The following ZBTB14 variants were observed in gnomAD, a reference collection of about 807,000 sequenced individuals.
The protein encoded by ZBTB14 is zinc finger and BTB domain containing 14.
Under a neutral mutation model 29.5 loss-of-function variants are expected in ZBTB14, and 8 were observed. That is an observed-to-expected ratio of 0.27 (90% CI 0.16 to 0.49). The LOEUF is 0.49. Among genes scored for constraint, ZBTB14 ranks in the 20% least tolerant of loss-of-function variants. The pLI, the probability that ZBTB14 is intolerant of heterozygous loss-of-function variation, is 0.99. For synonymous variants in ZBTB14, 226 were observed against 207.2 expected (o/e 1.09, Z -0.78); for missense variants, 333 against 563.8 (o/e 0.59, Z 4.15).
chr18:5,293,709 T>G (rs1409442943), intron 2 of ZBTB14: 1 of 154,872 alleles, frequency 6.5e-6, no homozygotes, highest in African/African-American at 2.4e-5. Flanking sequence ...CTGGGTATGT[T>G]AGCCCTCTAC....
chr18:5,295,173 C>T (rs1487671428), intron 1 of ZBTB14, among the ~76,000 whole-genome samples: 1 of 144,684 alleles, frequency 6.9e-6, no homozygotes, highest in African/African-American at 2.5e-5. Context: ...GGCGTGCGGC[C>T]GGCTCCGCAG....
chr18:5,295,070 C>A (rs1165552691), intron 1 of ZBTB14, among the ~76,000 whole-genome samples: 1 of 151,652 alleles, frequency 6.6e-6, no homozygotes, highest in Non-Finnish European at 1.5e-5. Flanking sequence ...CTTTCATAAT[C>A]AGACGTCGAG....
At chr18:5,296,791 A>T (rs1249103426), upstream of ZBTB14, among the ~76,000 whole-genome samples, 1 of 152,102 alleles carries the variant, frequency 6.6e-6, no homozygotes, top group Non-Finnish European at 1.5e-5. Context: ...TCCAAGGAAA[A>T]GTCCAGGGGC....
At chr18:5,296,286 G>C (rs1426785095), upstream of ZBTB14, 1 of 150,570 alleles carries the variant, frequency 6.6e-6, no homozygotes, top group Non-Finnish European at 1.5e-5. Flanking sequence ...GAAGGAGTGG[G>C]CGGGGCAAGG....
chr18:5,294,946 C>T (rs1464807647), intron 1 of ZBTB14: 2 of 152,188 alleles, frequency 1.3e-5, no homozygotes, highest in Non-Finnish European at 2.9e-5. Flanking sequence ...CGTATCGAGT[C>T]CTCCCTCTCA....
chr18:5,295,075 G>C (rs1007482304), intron 1 of ZBTB14, among the ~76,000 whole-genome samples: 2 of 151,538 alleles, frequency 1.3e-5, no homozygotes, highest in African/African-American at 4.8e-5. Context: ...ATAATCAGAC[G>C]TCGAGCGCAG....
chr18:5,293,210 T>C (rs2071858130), intron 3 of ZBTB14, 34 bp downstream of exon 3: 1 of 1,610,360 alleles, frequency 6.2e-7, no homozygotes, highest in Admixed American at 1.7e-5. Flanking sequence ...CCAAGTCATT[T>C]TCATCAAGAT....
chr18:5,293,367 C>T (rs1459550139), intron 2 of ZBTB14, 40 bp from the exon 3 acceptor site: 3 of 993,810 alleles, frequency 3.0e-6, no homozygotes, highest in African/African-American at 3.3e-5. Flanking sequence ...GTAGGATCTT[C>T]CTGTATCCCA....
In ZBTB14 at chr18:5,291,566, A is replaced by G. The variant is rs3752067; in HGVS notation, c.642T>C (p.Asn214=). Residue 214 remains asparagine, a synonymous_variant, in exon 4 of 4, where the codon AAT becomes AAC. Coordinates refer to ENST00000651870, the MANE Select transcript of ZBTB14 (RefSeq NM_001243702.2). The surrounding 1 kb of genome is among the most constrained non-coding windows in gnomAD (Gnocchi z 5.8). ...TGGATTCTACTTCCTGGCCGTAGCA[A>G]TTGACCTTCCGAACTTCCTCACTCC... ...ELGSEEVRKV[N]CYGQEVESME... is the part of the protein sequence containing the mutation. The G allele has an allele frequency of 2.8e-5, 45 of 1,613,864 alleles. No homozygotes were observed. The East Asian group carries it at 9.8e-4, about 35-fold the overall frequency.
chr18:5,292,208 CAAA>C lies in ZBTB14; in HGVS notation c.4-7_4-5del, dbSNP rs11327444. 64 of 1,290,626 alleles carry C rather than the reference CAAA, an allele frequency of 5.0e-5. No individual in the cohort carries two copies. Among genetic ancestry groups the C allele is most frequent in the Middle Eastern group, 2.0e-4 (1 of 4,902 alleles). 79.9% of individuals were successfully genotyped at this position (1,290,626 alleles called of 1,614,324 possible). A position where few individuals can be genotyped will look rare whatever the true frequency, so the allele number is the denominator to read the frequency against. ...CAGACATACTGATGAAAAACTCCTA[CAAA>C]AAAAAAAAAAGTTTAGTAATTATAA... On this transcript the variant is annotated splice_polypyrimidine_tract_variant and splice_region_variant and intron_variant, in intron 3 of 3. Coordinates refer to ENST00000651870, the MANE Select transcript of ZBTB14 (RefSeq NM_001243702.2).
At chr18:5,296,272 G>T (rs556207012), upstream of ZBTB14, 3 of 149,696 alleles carry the variant, frequency 2.0e-5, no homozygotes, top group Admixed American at 6.6e-5. Context: ...GCCCGCGCGC[G>T]GGAGAAGGAG....
intron 3 of ZBTB14, 145 bp from the exon 4 acceptor site, chr18:5,292,349 A>C (rs1393631034): frequency 1.5e-6 from 1 of 679,760 alleles, no homozygotes; most frequent in Non-Finnish European, 2.3e-6. Flanking sequence ...TATGGGTAGA[A>C]AAGACTGATC....
intron 3 of ZBTB14, among the ~76,000 whole-genome samples, chr18:5,292,573 T>C (rs1313988969): frequency 6.6e-6 from 1 of 152,226 alleles, no homozygotes; most frequent in Non-Finnish European, 1.5e-5. Context: ...GAGCTGGGAC[T>C]TAAATGCAGA....
At chr18:5,296,492 C>T (rs1400374453), upstream of ZBTB14, among the ~76,000 whole-genome samples, 2 of 151,034 alleles carry the variant, frequency 1.3e-5, no homozygotes, top group Admixed American at 6.6e-5. Flanking sequence ...GCGCGCAGGC[C>T]GGGCGCTGAG....
intron 1 of ZBTB14, among the ~76,000 whole-genome samples, chr18:5,295,318 C>G (rs1218482643): frequency 1.4e-5 from 2 of 144,454 alleles, no homozygotes; most frequent in African/African-American, 5.0e-5. Flanking sequence ...CCGGCTAACC[C>G]AAGCTCCGCG....
upstream of ZBTB14, chr18:5,295,855 C>G (rs890529029): frequency 6.6e-6 from 1 of 151,890 alleles, no homozygotes; most frequent in Non-Finnish European, 1.5e-5. Context: ...GGGTTCCCCG[C>G]GCTCGCTAGC....
intron 2 of ZBTB14, chr18:5,293,769 A>G (rs921860259): frequency 2.0e-5 from 3 of 150,694 alleles, no homozygotes; most frequent in African/African-American, 7.4e-5. Context: ...CCTTACAAAT[A>G]AAGCTATAGA....
rs1487579891 is a variant in ZBTB14, at chr18:5,289,442, T to C, written c.*1416A>G. 6.6e-6 allele frequency: 1 copy of C among 152,202 alleles called. No homozygotes were observed. The highest frequency in any genetic ancestry group is 1.5e-5 in the Non-Finnish European group (1 of 68,022). The allele number at this position is 152,202 out of a possible 1,614,324, so 9.4% of individuals were successfully genotyped here. ...AGCAATGAAAAATGAGTTTGAAAAA[T>C]TGACATTTTCTACAATTCTACATTT... On this transcript the variant is annotated 3_prime_UTR_variant, in exon 4 of 4. Coordinates refer to ENST00000651870, the MANE Select transcript of ZBTB14 (RefSeq NM_001243702.2).
At position 5,292,120 on chromosome 18, in the gene ZBTB14, G is replaced by T; in HGVS notation, c.88C>A (p.Arg30Ser). ...ATATCACAAAATTCTCCTTCCAGGC[G>T]TTGTTCATTTAGTGTTTTCAGAAAC... ...TLFLKTLNEQ[R>S]LEGEFCDIAI... The change falls in exon 4 of 4, where the codon CGC becomes AGC. Residue 30 changes from arginine to serine, a missense_variant. Physicochemically the swap from Arg to Ser is moderately radical, Grantham distance 110. Transcript: ENST00000651870. 6.2e-7 allele frequency: 1 copy of T among 1,603,118 alleles called. No individual in the cohort carries two copies.
Sources: gnomAD v4.1 joint callset for allele counts (sites outside exome capture counted in the v4.1 genomes callset) on GRCh38, gnomAD v4.1.1 for gene constraint, Gnocchi (gnomAD v3.1) non-coding constraint, MANE v1.5 for transcripts, NCBI Gene and HGNC (gene_info 2026-07-23, HGNC 2026-07-21) for gene names.